Variants in MICAL2 observed in about 807,000 individuals in gnomAD.
MICAL2 encodes the protein [F-actin]-monooxygenase MICAL2.
In MICAL2, 77 loss-of-function variants were observed where a neutral mutation model predicts 127.3. The ratio of observed to expected loss-of-function variants is 0.60; its 90% CI spans 0.50 to 0.73. The LOEUF is 0.73. Ranked by LOEUF, MICAL2 falls within the 30% of genes least tolerant of loss-of-function variation. The pLI is 0.00. For synonymous variants in MICAL2, 570 were observed against 551.1 expected (o/e 1.03, Z -0.48); for missense variants, 1,351 against 1,434.4 (o/e 0.94, Z 0.94).
chr11:12,316,522 A>G (rs975051612), intron 29 of MICAL2, among the ~76,000 whole-genome samples: 3 of 151,896 alleles, frequency 2.0e-5, no homozygotes, highest in African/African-American at 7.3e-5. Context: ...GTGTACTGCA[A>G]CTTTACTGAT....
At chr11:12,269,573 A>G (rs928286695) in intron 24 of MICAL2, among the ~76,000 whole-genome samples, 1 of 152,148 alleles carries the variant, frequency 6.6e-6, no homozygotes, top group African/African-American at 2.4e-5. Context: ...CTGGTGCCAG[A>G]TCGCCAGCCG....
At chr11:12,133,772 A>G (rs1851616479) in intron 1 of MICAL2, among the ~76,000 whole-genome samples, 1 of 152,208 alleles carries the variant, frequency 6.6e-6, no homozygotes, top group African/African-American at 2.4e-5. Context: ...GCTCTTTGAG[A>G]TTGAAATAAC....
chr11:12,319,844 G>A (rs765507540), intron 30 of MICAL2: 2 of 1,503,210 alleles, frequency 1.3e-6, no homozygotes, highest in Non-Finnish European at 1.9e-6. Flanking sequence ...AGAGGGCCTT[G>A]GCTGGTGGGG....
At chr11:12,169,292 T>A (rs1261248398) in intron 3 of MICAL2, among the ~76,000 whole-genome samples, 1 of 152,246 alleles carries the variant, frequency 6.6e-6, no homozygotes, top group African/African-American at 2.4e-5. Flanking sequence ...TGAGATTGCT[T>A]TATCTCAGTA....
At chr11:12,326,764 T>C (rs1001085775) in intron 31 of MICAL2, among the ~76,000 whole-genome samples, 4 of 152,200 alleles carry the variant, frequency 2.6e-5, no homozygotes, top group Non-Finnish European at 5.9e-5. Context: ...AAATAGATTA[T>C]GCAAGTACTT....
intron 32 of MICAL2, among the ~76,000 whole-genome samples, chr11:12,342,591 G>C (rs534068139): frequency 6.6e-6 from 1 of 152,222 alleles, no homozygotes; most frequent in African/African-American, 2.4e-5. Context: ...GTATGGTATA[G>C]TTTACTATAG....
chr11:12,228,338 C>A (rs1455427313), intron 15 of MICAL2, among the ~76,000 whole-genome samples: 1 of 152,014 alleles, frequency 6.6e-6, no homozygotes, highest in Non-Finnish European at 1.5e-5. Flanking sequence ...TTAAAAAAAA[C>A]AAAAAATTGG....
chr11:12,166,905 A>G (rs1855570338), intron 3 of MICAL2, among the ~76,000 whole-genome samples: 1 of 152,132 alleles, frequency 6.6e-6, no homozygotes, highest in African/African-American at 2.4e-5. Flanking sequence ...GAGTGCATAT[A>G]TTCTAGGGAG....
At chr11:12,191,858 CTGAGAAGGT>C (rs766504395) in intron 3 of MICAL2, among the ~76,000 whole-genome samples, 2 of 152,092 alleles carry the variant, frequency 1.3e-5, no homozygotes, top group Non-Finnish European at 2.9e-5. Context: ...ATGGGTGGGG[CTGAGAAGGT>C]ATCATCTCCA....
chr11:12,232,597 C>A (rs1309572099), intron 15 of MICAL2, among the ~76,000 whole-genome samples: 1 of 152,114 alleles, frequency 6.6e-6, no homozygotes, highest in East Asian at 1.9e-4. Context: ...TGGTGCACAC[C>A]AGTAGTCCCA....
At chr11:12,201,418 G>A (rs1181367350) in intron 3 of MICAL2, among the ~76,000 whole-genome samples, 2 of 151,242 alleles carry the variant, frequency 1.3e-5, no homozygotes, top group Non-Finnish European at 2.9e-5. Context: ...TTTAAGATAA[G>A]GTTTGATCTC....
chr11:12,173,344 G>A (rs1164772215), intron 3 of MICAL2, among the ~76,000 whole-genome samples: 2 of 152,172 alleles, frequency 1.3e-5, no homozygotes, highest in Non-Finnish European at 2.9e-5. Flanking sequence ...GAATATATAG[G>A]GGGAGATGTT....
At chr11:12,124,902 A>C (rs1270582392) in intron 1 of MICAL2, among the ~76,000 whole-genome samples, 2 of 152,200 alleles carry the variant, frequency 1.3e-5, no homozygotes, top group Admixed American at 6.5e-5. Context: ...ACAGGAAATG[A>C]TTGTTTTTCC....
intron 29 of MICAL2, among the ~76,000 whole-genome samples, chr11:12,305,392 C>T (rs1031018183): frequency 1.3e-5 from 2 of 152,246 alleles, no homozygotes; most frequent in South Asian, 4.1e-4. Flanking sequence ...TCACTTCCCT[C>T]TCTCAATATG....
chr11:12,162,255 A>AT lies in MICAL2; in HGVS notation c.102dup (p.Leu35SerfsTer37). On this transcript the variant is annotated frameshift_variant, in exon 3 of 28. Transcript: ENST00000683283. LOFTEE classifies it high-confidence loss of function. The stretch of plus-strand genomic sequence containing the variant: ...CAAAGGTACCCTCCAGGCCTTCAAC[A>AT]TTCTCACACGACACCTGGACCTAGA... The AT allele has an allele frequency of 6.2e-7, 1 of 1,614,264 alleles. No individual in the cohort carries two copies. The highest frequency in any genetic ancestry group is 8.5e-7 in the Non-Finnish European group (1 of 1,180,050).
chr11:12,210,823 C>T (rs761767043), intron 6 of MICAL2, among the ~76,000 whole-genome samples: 3 of 152,182 alleles, frequency 2.0e-5, no homozygotes, highest in Admixed American at 6.5e-5. Context: ...ACACTGCAGA[C>T]GTTTGGGGCC....
In MICAL2 at chr11:12,188,486, G is replaced by A. The variant is rs887140261; in HGVS notation, c.265-15764G>A. On this transcript the variant is annotated intron_variant, in intron 3 of 27. Transcript: ENST00000683283. ...ACGAGCACCTAGTTGGAAGAGGCCG[G>A]GGAAGCTGCTGAACATCCTACAATG... 7.2e-5 allele frequency among the ~76,000 whole-genome samples: 11 copies of A among 152,236 alleles called. 1 individual carries two copies. The South Asian group carries it at 2.1e-3, about 29-fold the overall frequency.
chr11:12,157,064 T>C (rs1854270397), intron 2 of MICAL2, among the ~76,000 whole-genome samples: 2 of 152,254 alleles, frequency 1.3e-5, no homozygotes, highest in African/African-American at 4.8e-5. Flanking sequence ...AAGGGTGGGT[T>C]GAAAAATGAG....
chr11:12,266,694 G>A (rs1863613137), downstream of MICAL2, among the ~76,000 whole-genome samples: 1 of 152,250 alleles, frequency 6.6e-6, no homozygotes, highest in Admixed American at 6.5e-5. Context: ...GAGTCCCACA[G>A]CCCAGGCTAG....
Sources: gnomAD v4.1 joint callset for allele counts (sites outside exome capture counted in the v4.1 genomes callset) on GRCh38, gnomAD v4.1.1 for gene constraint, MANE v1.5 for transcripts, NCBI Gene and HGNC (gene_info 2026-07-23, HGNC 2026-07-21) for gene names.